Variants in PBX3 observed in about 807,000 individuals in gnomAD.
The protein encoded by PBX3 is PBX homeobox 3.
PBX3 carries 14 observed loss-of-function variants against 48.5 expected under a neutral mutation model. The ratio of observed to expected loss-of-function variants is 0.29; its 90% CI spans 0.19 to 0.45. The LOEUF (loss-of-function observed/expected upper bound fraction) is 0.45. PBX3 is among the 20% of genes least tolerant of loss of function. The pLI is 1.00. For synonymous variants in PBX3, 210 were observed against 200.3 expected (o/e 1.05, Z -0.41); for missense variants, 386 against 546.7 (o/e 0.71, Z 2.93).
chr9:125,857,964 G>A (rs1050380052), intron 2 of PBX3, among the ~76,000 whole-genome samples: 2 of 152,186 alleles, frequency 1.3e-5, no homozygotes, highest in Non-Finnish European at 2.9e-5. Flanking sequence ...ATTGGAGTAA[G>A]GCTGCCCTTA....
intron 2 of PBX3, among the ~76,000 whole-genome samples, chr9:125,800,086 T>C (rs1183811131): frequency 6.6e-6 from 1 of 152,316 alleles, no homozygotes; most frequent in Middle Eastern, 3.4e-3. Context: ...AAAGCAGTTA[T>C]AATAAATAGA....
intron 2 of PBX3, among the ~76,000 whole-genome samples, chr9:125,878,306 A>G (rs1313618256): frequency 6.6e-6 from 1 of 152,180 alleles, no homozygotes; most frequent in Non-Finnish European, 1.5e-5. Context: ...ATGGCAGCAG[A>G]TTGGTATTTC....
intron 1 of PBX3, among the ~76,000 whole-genome samples, 174 bp downstream of exon 1, chr9:125,747,827 G>T (rs541397121): frequency 7.3e-5 from 11 of 151,714 alleles, no homozygotes; most frequent in African/African-American, 2.7e-4. Context: ...CCCCCGAAGC[G>T]GGCGGGAGTC....
At chr9:125,830,838 C>T (rs1489862192) in intron 2 of PBX3, among the ~76,000 whole-genome samples, 1 of 151,998 alleles carries the variant, frequency 6.6e-6, no homozygotes, top group Non-Finnish European at 1.5e-5. Flanking sequence ...GATTCTAAGT[C>T]ATTGTGGTTT....
chr9:125,908,980 C>T (rs1841140962), intron 2 of PBX3, among the ~76,000 whole-genome samples: 1 of 152,072 alleles, frequency 6.6e-6, no homozygotes, highest in Non-Finnish European at 1.5e-5. Context: ...TTCACTGTCT[C>T]ATGCAAGCAT....
At chr9:125,943,967 C>T (rs1183079319) in intron 5 of PBX3, among the ~76,000 whole-genome samples, 1 of 152,216 alleles carries the variant, frequency 6.6e-6, no homozygotes, top group Non-Finnish European at 1.5e-5. Flanking sequence ...CTTCTCCCTT[C>T]CCATCTGCCG....
chr9:125,761,767 A>G (rs1836674000), intron 2 of PBX3, among the ~76,000 whole-genome samples: 1 of 152,170 alleles, frequency 6.6e-6, no homozygotes, highest in Non-Finnish European at 1.5e-5. Context: ...TCACATTTTT[A>G]ACTGTCCCAG....
chr9:125,896,394 C>G (rs555559418), intron 2 of PBX3, among the ~76,000 whole-genome samples: 3 of 152,140 alleles, frequency 2.0e-5, no homozygotes, highest in Non-Finnish European at 4.4e-5. Context: ...TGTTGCCTAC[C>G]AGGCATCCTT....
intron 2 of PBX3, among the ~76,000 whole-genome samples, chr9:125,887,660 T>G (rs1840533154): frequency 6.6e-6 from 1 of 152,184 alleles, no homozygotes; most frequent in Non-Finnish European, 1.5e-5. Flanking sequence ...TCTGTGTATT[T>G]TTGTTTTTTG....
At chr9:125,894,103 A>G (rs201833745) in intron 2 of PBX3, among the ~76,000 whole-genome samples, 3,246 of 74,470 alleles carry the variant, frequency 0.044, 175 homozygotes, top group East Asian at 0.26. Context: ...CATTTTGTAA[A>G]TAGTATATTT....
intron 2 of PBX3, among the ~76,000 whole-genome samples, chr9:125,800,643 T>A (rs1298695506): frequency 6.6e-6 from 1 of 152,164 alleles, no homozygotes; most frequent in African/African-American, 2.4e-5. Flanking sequence ...GTTTTTTTTT[T>A]ATAGCTTCAT....
intron 2 of PBX3, among the ~76,000 whole-genome samples, chr9:125,754,029 C>T (rs573152676): frequency 6.6e-6 from 1 of 152,056 alleles, no homozygotes; most frequent in Non-Finnish European, 1.5e-5. Context: ...ATTTCGTGAA[C>T]CACACCCTAA....
chr9:125,941,006 T>G (rs10987053), intron 5 of PBX3, among the ~76,000 whole-genome samples: 10,687 of 152,232 alleles, frequency 0.07, 862 homozygotes, highest in African/African-American at 0.17. Context: ...CAAGCCTGCC[T>G]TCATGGAACT....
chr9:125,861,035 C>T (rs1839851587), intron 2 of PBX3, among the ~76,000 whole-genome samples: 1 of 151,730 alleles, frequency 6.6e-6, no homozygotes, highest in Non-Finnish European at 1.5e-5. Flanking sequence ...CCTATAATCC[C>T]AGCACTTTGG....
In PBX3 at chr9:125,818,331, T is replaced by A. The variant is rs573560907; in HGVS notation, c.274+69708T>A. Among the ~76,000 whole-genome samples the A allele has an allele frequency of 2.9e-4, 41 of 142,426 alleles. 1 individual carries two copies. The South Asian group carries it at 8.2e-3, about 28-fold the overall frequency. The allele number at this position is 142,426 out of a possible 152,430, so 93.4% of individuals were successfully genotyped here. A position where few individuals can be genotyped will look rare whatever the true frequency, so the allele number is the denominator to read the frequency against. The stretch of plus-strand genomic sequence containing the variant: ...ATGAGCCTTACATACATAACCATAC[T>A]TTTTTTTTTTTTAATTTGAGACGGA... On this transcript the variant is annotated intron_variant, in intron 2 of 8. Coordinates refer to ENST00000373489, the MANE Select transcript of PBX3 (RefSeq NM_006195.6).
intron 2 of PBX3, among the ~76,000 whole-genome samples, chr9:125,781,284 A>G (rs530070730): frequency 4.0e-5 from 6 of 151,884 alleles, no homozygotes; most frequent in South Asian, 4.2e-4. Context: ...TCGGGAGGCC[A>G]AGGCTGGCGG....
chr9:125,819,838 A>G (rs1356240859), intron 2 of PBX3, among the ~76,000 whole-genome samples: 1 of 152,218 alleles, frequency 6.6e-6, no homozygotes, highest in Non-Finnish European at 1.5e-5. Flanking sequence ...GCAAAATACT[A>G]CAAAAGTTGA....
At chr9:125,774,192 G>C (rs182917995) in intron 2 of PBX3, among the ~76,000 whole-genome samples, 1 of 152,266 alleles carries the variant, frequency 6.6e-6, no homozygotes, top group African/African-American at 2.4e-5. Flanking sequence ...AGAGTGTGGG[G>C]AGCTGCTACA....
chr9:125,783,978 G>A (rs1264267973), intron 2 of PBX3, among the ~76,000 whole-genome samples: 1 of 152,100 alleles, frequency 6.6e-6, no homozygotes, highest in African/African-American at 2.4e-5. Flanking sequence ...TGCAGCCTGA[G>A]TGACAGATGG....
Sources: gnomAD v4.1 joint callset for allele counts (sites outside exome capture counted in the v4.1 genomes callset) on GRCh38, gnomAD v4.1.1 for gene constraint, MANE v1.5 for transcripts, NCBI Gene and HGNC (gene_info 2026-07-23, HGNC 2026-07-21) for gene names.